Variants in CBLB observed in about 807,000 individuals in gnomAD.
CBLB encodes Cbl proto-oncogene B, also known as E3 ubiquitin-protein ligase CBL-B.
In CBLB, 31 loss-of-function variants were observed where a neutral mutation model predicts 104.9. The ratio of observed to expected loss-of-function variants is 0.30; its 90% CI spans 0.22 to 0.40. The LOEUF (loss-of-function observed/expected upper bound fraction) is 0.40. CBLB is among the 10% of genes least tolerant of loss of function. CBLB has a pLI of 1.00. For synonymous variants in CBLB, 440 were observed against 422.6 expected (o/e 1.04, Z -0.51); for missense variants, 1,062 against 1,214.6 (o/e 0.87, Z 1.87).
intron 3 of CBLB, among the ~76,000 whole-genome samples, chr3:105,809,054 C>T (rs1248033709): frequency 1.3e-5 from 2 of 152,168 alleles, no homozygotes. Context: ...TACCTGCACG[C>T]ACCCATCTGG....
intron 2 of CBLB, among the ~76,000 whole-genome samples, chr3:105,854,066 A>G (rs1472042837): frequency 6.6e-6 from 1 of 152,180 alleles, no homozygotes; most frequent in Non-Finnish European, 1.5e-5. Context: ...CTGAATTCCC[A>G]GCTGTTGCTG....
intron 3 of CBLB, among the ~76,000 whole-genome samples, chr3:105,832,802 G>C (rs1404662116): frequency 1.3e-5 from 2 of 152,136 alleles, no homozygotes; most frequent in African/African-American, 4.8e-5. Context: ...TACCTACACC[G>C]TGTTGGAAAT....
Position 105,658,721 on chromosome 3 carries a change from C to A in CBLB, c.*249G>T, listed in dbSNP as rs552204606. On this transcript the variant is annotated 3_prime_UTR_variant, in exon 19 of 19. Coordinates refer to ENST00000394030, the MANE Select transcript of CBLB (RefSeq NM_170662.5). ...AGGTTCAAAGTTCAAGGGAAGTAAA[C>A]GTCTTTAAATTATTTTTGTCAGTTC... 2 of 539,472 alleles carry A rather than the reference C, an allele frequency of 3.7e-6. No homozygotes were observed. Among genetic ancestry groups the A allele is most frequent in the Non-Finnish European group, 6.6e-6 (2 of 302,540 alleles). The allele number at this position is 539,472 out of a possible 1,614,324, so 33.4% of individuals were successfully genotyped here.
At chr3:105,809,052 C>T (rs942432292) in intron 3 of CBLB, among the ~76,000 whole-genome samples, 5 of 152,138 alleles carry the variant, frequency 3.3e-5, no homozygotes, top group Non-Finnish European at 7.4e-5. Flanking sequence ...GCTACCTGCA[C>T]GCACCCATCT....
intron 10 of CBLB, among the ~76,000 whole-genome samples, chr3:105,708,412 A>T (rs2070542223): frequency 6.6e-6 from 1 of 152,122 alleles, no homozygotes; most frequent in Non-Finnish European, 1.5e-5. Context: ...TGGGTAGAAA[A>T]GTAGCAAAGG....
rs1300125650 is a variant in CBLB at position 105,658,699 on chromosome 3, T to C, written c.*271A>G. 4 of 500,440 alleles carry C rather than the reference T, an allele frequency of 8.0e-6. No homozygotes were observed. Among genetic ancestry groups the C allele is most frequent in the Non-Finnish European group, 1.1e-5 (3 of 279,358 alleles). 31.0% of individuals were successfully genotyped at this position (500,440 alleles called of 1,614,324 possible). A position where few individuals can be genotyped will look rare whatever the true frequency, so the allele number is the denominator to read the frequency against. On this transcript the variant is annotated 3_prime_UTR_variant, in exon 19 of 19. Coordinates refer to ENST00000394030, the MANE Select transcript of CBLB (RefSeq NM_170662.5). ...TAAACAAGGTAAAGCATTTCACAGG[T>C]TCAAAGTTCAAGGGAAGTAAACGTC... is the stretch of plus-strand genomic sequence containing the variant.
intron 16 of CBLB, among the ~76,000 whole-genome samples, chr3:105,678,857 A>C (rs1255077178): frequency 6.6e-6 from 1 of 152,202 alleles, no homozygotes; most frequent in Non-Finnish European, 1.5e-5. Context: ...GTAACTTATG[A>C]AACAGCTCAT....
At chr3:105,727,342 A>C (rs973957825) in intron 9 of CBLB, among the ~76,000 whole-genome samples, 1 of 152,142 alleles carries the variant, frequency 6.6e-6, no homozygotes, top group African/African-American at 2.4e-5. Flanking sequence ...TGGCTGCATA[A>C]ATGTCTTCTT....
intron 9 of CBLB, among the ~76,000 whole-genome samples, chr3:105,726,467 T>C (rs772982555): frequency 5.9e-5 from 9 of 152,014 alleles, no homozygotes; most frequent in African/African-American, 9.7e-5. Flanking sequence ...GACAAAGATA[T>C]ACATTTTTAT....
chr3:105,761,132 A>G (rs1179207895), intron 4 of CBLB, among the ~76,000 whole-genome samples: 1 of 152,158 alleles, frequency 6.6e-6, no homozygotes. Context: ...TCCCAGGCTC[A>G]AGTGATTCTG....
At chr3:105,719,217 T>G (rs1433891781) in intron 10 of CBLB, among the ~76,000 whole-genome samples, 1 of 152,196 alleles carries the variant, frequency 6.6e-6, no homozygotes, top group East Asian at 1.9e-4. Context: ...TCAAATTCAG[T>G]TTCACCATTT....
At chr3:105,689,914 G>T (rs1202228802) in intron 13 of CBLB, among the ~76,000 whole-genome samples, 2 of 151,970 alleles carry the variant, frequency 1.3e-5, no homozygotes, top group Non-Finnish European at 2.9e-5. Context: ...AATAATTTCA[G>T]ATTGCTTTTA....
intron 2 of CBLB, among the ~76,000 whole-genome samples, chr3:105,864,509 G>A (rs2092310275): frequency 6.6e-6 from 1 of 152,176 alleles, no homozygotes. Context: ...TTCTGGGTCG[G>A]CTATCAAATT....
chr3:105,730,730 T>A (rs1226715283), intron 9 of CBLB, among the ~76,000 whole-genome samples: 1 of 152,136 alleles, frequency 6.6e-6, no homozygotes, highest in African/African-American at 2.4e-5. Context: ...AAGGTTTGCA[T>A]ATTTTTCATT....
At chr3:105,799,739 AGT>A in intron 3 of CBLB, among the ~76,000 whole-genome samples, 2 of 152,280 alleles carry the variant, frequency 1.3e-5, no homozygotes, top group South Asian at 4.1e-4. Flanking sequence ...CTATAGAAAT[AGT>A]GACATGGAGT....
At chr3:105,790,556 T>C (rs977748652) in intron 3 of CBLB, among the ~76,000 whole-genome samples, 3 of 152,194 alleles carry the variant, frequency 2.0e-5, no homozygotes, top group Non-Finnish European at 4.4e-5. Flanking sequence ...AATGGAAATA[T>C]AAGATAAAGA....
chr3:105,700,165 T>C (rs953498314), intron 12 of CBLB, among the ~76,000 whole-genome samples: 2 of 152,070 alleles, frequency 1.3e-5, no homozygotes, highest in African/African-American at 4.8e-5. Flanking sequence ...ATAAAAACAG[T>C]ATCTCATACC....
intron 6 of CBLB, among the ~76,000 whole-genome samples, chr3:105,741,102 T>TG (rs201659920): frequency 0.066 from 9,560 of 145,310 alleles, 504 homozygotes; most frequent in Admixed American, 0.15. Context: ...AGGGTTTTTT[T>TG]TTTTTTTTTT....
intron 4 of CBLB, among the ~76,000 whole-genome samples, chr3:105,760,292 T>G (rs892041122): frequency 1.3e-5 from 2 of 152,222 alleles, no homozygotes; most frequent in African/African-American, 4.8e-5. Flanking sequence ...TAATCCATAA[T>G]AATGTGTAAA....
Sources: gnomAD v4.1 joint callset for allele counts (sites outside exome capture counted in the v4.1 genomes callset) on GRCh38, gnomAD v4.1.1 for gene constraint, MANE v1.5 for transcripts, NCBI Gene and HGNC (gene_info 2026-07-23, HGNC 2026-07-21) for gene names.